HORMAD1: variants seen among roughly 807,000 people sequenced by gnomAD.
The protein encoded by HORMAD1 is HORMA domain-containing protein 1.
Under a neutral mutation model 58.2 loss-of-function variants are expected in HORMAD1, and 33 were observed. The observed-to-expected ratio is 0.57, with a 90% CI of 0.43 to 0.76. The LOEUF (loss-of-function observed/expected upper bound fraction) is 0.76, where lower values mean the gene tolerates loss of function less well. HORMAD1 is among the 30% of genes least tolerant of loss of function. The probability of loss-of-function intolerance (pLI) is 0.00; values close to 1 mark genes in which losing one functional copy is unlikely to be tolerated. For synonymous variants in HORMAD1, 137 were observed against 144.6 expected, an observed-to-expected ratio of 0.95 and a Z score of 0.38; for missense variants, 363 against 462.0, an observed-to-expected ratio of 0.79 and a Z score of 1.96.
chr1:150,698,490 T>A lies in HORMAD1; in HGVS notation c.*164A>T, dbSNP rs1281482705. The stretch of plus-strand genomic sequence containing the variant: ...ATTCAAAAGTTCTATTGGATTTATC[T>A]CAAGATTAAGGACCACAATATGACA... On this transcript the variant is annotated 3_prime_UTR_variant, in exon 15 of 15. Transcript: ENST00000361824. 2 of 416,020 alleles carry A rather than the reference T, an allele frequency of 4.8e-6. No individual in the cohort carries two copies. Among genetic ancestry groups the A allele is most frequent in the Non-Finnish European group, 8.7e-6 (2 of 229,480 alleles). 25.8% of individuals were successfully genotyped at this position (416,020 alleles called of 1,614,324 possible).
intron 5 of HORMAD1, among the ~76,000 whole-genome samples, chr1:150,713,574 G>A (rs934463056): frequency 4.3e-4 from 66 of 152,112 alleles, no homozygotes; most frequent in Admixed American, 1.6e-3. Flanking sequence ...AATTAGCCTA[G>A]TGCTGGACTT....
chr1:150,713,221 T>C (rs912006787), intron 5 of HORMAD1, among the ~76,000 whole-genome samples: 2 of 152,206 alleles, frequency 1.3e-5, no homozygotes, highest in Admixed American at 1.3e-4. Context: ...CTAAAAATTT[T>C]AATGGCAATT....
chr1:150,717,320 T>G (rs1219008648), intron 2 of HORMAD1, 38 bp from the exon 3 acceptor site: 7 of 1,325,130 alleles, frequency 5.3e-6, no homozygotes, highest in Non-Finnish European at 7.2e-6. Flanking sequence ...TTATTTAAAT[T>G]TATTAAAAAT....
At position 150,704,269 on chromosome 1, in the gene HORMAD1, C is replaced by T; in HGVS notation, c.871+8G>A. 2.5e-6 allele frequency: 4 copies of T among 1,576,212 alleles called. No homozygotes were observed. Among genetic ancestry groups the T allele is most frequent in the Non-Finnish European group, 3.5e-6 (4 of 1,158,528 alleles). ...GTGAGTTAATGTACATTTTCATTAA[C>T]TTCTTACCTTCAAGTTCAGAAGATG... On this transcript the variant is annotated splice_region_variant and intron_variant, in intron 11 of 14. Transcript: ENST00000361824.
Position 150,708,288 on chromosome 1 carries a change from C to G in HORMAD1, c.515G>C (p.Cys172Ser). 1.9e-6 allele frequency: 3 copies of G among 1,604,304 alleles called. No homozygotes were observed. Among genetic ancestry groups the G allele is most frequent in the Non-Finnish European group, 2.6e-6 (3 of 1,175,754 alleles). ...QNLGPLPNDV[C>S]LTMKLFYYDE... Reference sequence around the variant, plus strand: ...ATAGTAAAAAAGTTTCATGGTCAAACAAACATCATTAGGTAAAGGCCCCAG... The same window carrying G: ...ATAGTAAAAAAGTTTCATGGTCAAAGAAACATCATTAGGTAAAGGCCCCAG... Residue 172 changes from cysteine (C) to serine (S), a missense_variant, in exon 9 of 15, where the codon TGT (cysteine) becomes TCT (serine). By Grantham distance (112) the Cys-to-Ser change is moderately radical. This residue lies in a region of HORMAD1 where 226 missense variants were observed against 257.8 expected (regional missense o/e 0.88). Coordinates refer to ENST00000361824, the MANE Select transcript of HORMAD1 (RefSeq NM_032132.5).
intron 8 of HORMAD1, among the ~76,000 whole-genome samples, 199 bp from the exon 9 acceptor site, chr1:150,708,606 A>C (rs910341726): frequency 3.9e-5 from 6 of 152,210 alleles, no homozygotes; most frequent in African/African-American, 9.7e-5. Context: ...ATTTTACTTA[A>C]GTGCATTTTA....
chr1:150,718,693 C>T (rs1652163645), intron 2 of HORMAD1, among the ~76,000 whole-genome samples: 3 of 151,952 alleles, frequency 2.0e-5, no homozygotes, highest in Non-Finnish European at 4.4e-5. Context: ...GGTGTGATCT[C>T]GACTCACTGC....
chr1:150,708,408 C>T lies in HORMAD1; in HGVS notation c.396-1G>A. 6.3e-7 allele frequency: 1 copy of T among 1,575,406 alleles called. No individual in the cohort carries two copies. The highest frequency in any genetic ancestry group is 2.3e-5 in the East Asian group (1 of 43,822). On this transcript the variant is annotated splice_acceptor_variant, in intron 8 of 14. Coordinates refer to ENST00000361824, the MANE Select transcript of HORMAD1 (RefSeq NM_032132.5). LOFTEE classifies it high-confidence loss of function. ...GCTAGATTCGTTGCTTTGGTTTTTA[C>T]TAGAAGAGAATCACATATTAATTTA...
chr1:150,720,163 C>G (rs1052726592), intron 1 of HORMAD1, among the ~76,000 whole-genome samples: 1 of 152,082 alleles, frequency 6.6e-6, no homozygotes, highest in Admixed American at 6.6e-5. Flanking sequence ...CAACCTCCCC[C>G]TCTGGGTTCA....
At position 150,698,716 on chromosome 1, in the gene HORMAD1, A is replaced by G. The variant is rs1651445309; in HGVS notation, c.1123T>C (p.Ser375Pro). The change falls in exon 15 of 15, where the codon TCT becomes CCT. Residue 375 changes from serine (S) to proline (P), a missense_variant. This residue lies in a region of HORMAD1 where 226 missense variants were observed against 257.8 expected (regional missense o/e 0.88). Transcript: ENST00000361824. ...SGRIVLHHFD[S>P]SSQESVPKRR... is the part of the protein sequence containing the mutation. ...TTTGGCACTGACTCTTGACTAGAAG[A>G]ATCAAAGTGATGGAGGACCTGTCAA... The G allele has an allele frequency of 6.3e-7, 1 of 1,595,528 alleles. No homozygotes were observed. The highest frequency in any genetic ancestry group is 1.3e-5 in the African/African-American group (1 of 74,566).
intron 2 of HORMAD1, among the ~76,000 whole-genome samples, chr1:150,718,344 ATTT>A (rs34258924): frequency 7.9e-5 from 10 of 125,826 alleles, no homozygotes; most frequent in Admixed American, 8.7e-5. Flanking sequence ...TGCCTGGCTA[ATTT>A]TTTTTTTTTT....
intron 3 of HORMAD1, among the ~76,000 whole-genome samples, chr1:150,716,236 C>T (rs775609721): frequency 1.4e-4 from 19 of 139,506 alleles, no homozygotes; most frequent in Non-Finnish European, 2.6e-4. Context: ...AATCTCGGCT[C>T]ACTGCAACCT....
At chr1:150,710,194 AG>A (rs1409358842) in intron 7 of HORMAD1, among the ~76,000 whole-genome samples, 1 of 152,040 alleles carries the variant, frequency 6.6e-6, no homozygotes, top group Non-Finnish European at 1.5e-5. Flanking sequence ...ACAGGTGTGG[AG>A]GGGCAGGCCA....
chr1:150,707,357 C>T (rs1165302596), intron 9 of HORMAD1, among the ~76,000 whole-genome samples: 1 of 152,092 alleles, frequency 6.6e-6, no homozygotes, highest in Non-Finnish European at 1.5e-5. Flanking sequence ...TTATCAGCAC[C>T]TTCTTTTTAA....
At chr1:150,708,747 G>T in intron 8 of HORMAD1, 147 bp downstream of exon 8, 2 of 545,210 alleles carry the variant, frequency 3.7e-6, no homozygotes, top group Non-Finnish European at 6.5e-6. Context: ...GCTACTGCAA[G>T]CCACCACTCC....
At chr1:150,702,355 A>C (rs1286184248) in intron 13 of HORMAD1, among the ~76,000 whole-genome samples, 1 of 152,208 alleles carries the variant, frequency 6.6e-6, no homozygotes, top group Non-Finnish European at 1.5e-5. Flanking sequence ...ATTGTGGAAG[A>C]CAGTGTGGTG....
At chr1:150,702,917 G>T (rs886178351) in intron 13 of HORMAD1, among the ~76,000 whole-genome samples, 9 of 151,972 alleles carry the variant, frequency 5.9e-5, no homozygotes, top group Non-Finnish European at 5.9e-5. Context: ...AATTTAAAAA[G>T]AAAAAAAGAT....
chr1:150,706,511 AT>A lies in HORMAD1; in HGVS notation c.804+41del, dbSNP rs1159334778. The A allele has an allele frequency of 4.7e-6, 7 of 1,481,728 alleles. No homozygotes were observed. In the South Asian group the frequency reaches 7.4e-5, roughly 16 times the overall value. 91.8% of individuals were successfully genotyped at this position (1,481,728 alleles called of 1,614,324 possible). ...AAAAATCTTCAGAATTGAGTCAAAC[AT>A]TTGTTATTATTGTTCTTTATAACTC... On this transcript the variant is annotated intron_variant, in intron 10 of 14. Coordinates refer to ENST00000361824, the MANE Select transcript of HORMAD1 (RefSeq NM_032132.5).
intron 10 of HORMAD1, 48 bp from the exon 11 acceptor site, chr1:150,704,391 T>G: frequency 1.7e-6 from 2 of 1,179,254 alleles, no homozygotes; most frequent in Admixed American, 5.0e-5. Flanking sequence ...AAAAAGGAAC[T>G]AAAACAACTG....
Sources: allele counts gnomAD v4.1 joint callset (sites outside exome capture counted in the v4.1 genomes callset), GRCh38; gene constraint gnomAD v4.1.1; regional missense constraint gnomAD v4.1.1; transcripts MANE v1.5; gene names NCBI Gene and HGNC (gene_info 2026-07-23, HGNC 2026-07-21).